Variants in GALNT7 observed in about 807,000 individuals in gnomAD.
GALNT7 encodes the protein N-acetylgalactosaminyltransferase 7.
GALNT7 carries 60 observed loss-of-function variants against 82.1 expected under a neutral mutation model. The ratio of observed to expected loss-of-function variants is 0.73; its 90% CI spans 0.59 to 0.91. The LOEUF (loss-of-function observed/expected upper bound fraction) is 0.91, where lower values mean the gene tolerates loss of function less well. Among genes scored for constraint, GALNT7 ranks in the 40% least tolerant of loss-of-function variants. The pLI is 0.00. For synonymous variants in GALNT7, 243 were observed against 275.1 expected (o/e 0.88, Z 1.15); for missense variants, 660 against 804.2 (o/e 0.82, Z 2.17).
intron 1 of GALNT7, among the ~76,000 whole-genome samples, chr4:173,207,126 C>CTTGTTTTTCAT (rs1735248531): frequency 6.6e-6 from 1 of 152,020 alleles, no homozygotes; most frequent in Non-Finnish European, 1.5e-5. Context: ...CCTTTCTTCA[C>CTTGTTTTTCAT]TTGTTTTTCA....
At position 173,322,881 on chromosome 4, in the gene GALNT7, TAC is replaced by T. The variant is rs1430015886; in HGVS notation, c.*1166_*1167del. On this transcript the variant is annotated 3_prime_UTR_variant, in exon 12 of 12. Coordinates refer to ENST00000265000, the MANE Select transcript of GALNT7 (RefSeq NM_017423.3). ...TTAAAAACAAAGGACTATTTAAAAA[TAC>T]AGTTTATTAACAAACGTGAACTACT... The T allele has an allele frequency of 1.3e-5, 2 of 152,182 alleles. No homozygotes were observed. Among genetic ancestry groups the T allele is most frequent in the African/African-American group, 2.4e-5 (1 of 41,446 alleles). 9.4% of individuals were successfully genotyped at this position (152,182 alleles called of 1,614,324 possible).
At chr4:173,261,029 G>C (rs1211179346) in intron 2 of GALNT7, among the ~76,000 whole-genome samples, 1 of 152,126 alleles carries the variant, frequency 6.6e-6, no homozygotes, top group East Asian at 1.9e-4. Flanking sequence ...CTTGCTGAGC[G>C]CTTCTGTCCC....
At chr4:173,203,948 C>T (rs1351624242) in intron 1 of GALNT7, among the ~76,000 whole-genome samples, 1 of 152,156 alleles carries the variant, frequency 6.6e-6, no homozygotes, top group Non-Finnish European at 1.5e-5. Context: ...CATATGTTTT[C>T]ATATTACTAA....
At chr4:173,183,048 A>ACACACAC (rs1261128743) in intron 1 of GALNT7, among the ~76,000 whole-genome samples, 93 of 38,534 alleles carry the variant, frequency 2.4e-3, no homozygotes, top group African/African-American at 0.017. Context: ...ACATAAACAC[A>ACACACAC]CACACACACA....
At chr4:173,206,941 G>A (rs1186273258) in intron 1 of GALNT7, among the ~76,000 whole-genome samples, 1 of 152,156 alleles carries the variant, frequency 6.6e-6, no homozygotes, top group African/African-American at 2.4e-5. Flanking sequence ...TTGCCACCAG[G>A]GCCTTTGTGC....
rs535171429 is a variant in GALNT7 at position 173,295,413 on chromosome 4, C to A, written c.772C>A (p.Leu258Met). ...CTTAACAGAACACTTAAAAGAAAAA[C>A]TGGATGAATATATTAAGCTGTGGAA... is the stretch of plus-strand genomic sequence containing the variant. The part of the protein sequence containing the change: ...FSNKEHLKEK[L>M]DEYIKLWNGL... Residue 258 changes from leucine to methionine, a missense_variant, in exon 4 of 12, where the codon CTG becomes ATG. Physicochemically the swap from Leu to Met is conservative, Grantham distance 15 (BLOSUM62 2). Around this residue, in one of 2 missense-constraint regions of GALNT7, gnomAD observed 527 missense variants for 683.5 expected, o/e 0.77. Transcript: ENST00000265000. 6.2e-5 allele frequency: 99 copies of A among 1,589,674 alleles called. No individual in the cohort carries two copies. The East Asian group carries it at 2.0e-3, about 32-fold the overall frequency.
chr4:173,248,358 A>G lies in GALNT7; in HGVS notation c.505A>G (p.Ser169Gly), dbSNP rs1302199865. Residue 169 changes from serine (S) to glycine (G), a missense_variant, in exon 2 of 12, where the codon AGC (serine) becomes GGC (glycine). Physicochemically the swap from Ser to Gly is moderately conservative, Grantham distance 56. Transcript: ENST00000265000. ...GPEFKQAIQA[S>G]IKEFGFNMVA... is the part of the protein sequence containing the mutation. ...AGAATTCAAACAAGCAATTCAAGCCAGCATTAAAGAGTTTGGATTTAACAT... is the reference window on the plus strand; with the variant it reads ...AGAATTCAAACAAGCAATTCAAGCCGGCATTAAAGAGTTTGGATTTAACAT... 1 of 1,613,908 alleles carries G rather than the reference A, an allele frequency of 6.2e-7. No homozygotes were observed.
At chr4:173,206,444 C>T (rs1053646593) in intron 1 of GALNT7, among the ~76,000 whole-genome samples, 3 of 152,136 alleles carry the variant, frequency 2.0e-5, no homozygotes, top group Non-Finnish European at 4.4e-5. Flanking sequence ...CTGGAAAGTC[C>T]TATTCCTCCA....
At chr4:173,298,331 C>T (rs780638848) in intron 6 of GALNT7, 34 bp downstream of exon 6, 13 of 1,414,568 alleles carry the variant, frequency 9.2e-6, no homozygotes, top group African/African-American at 1.4e-5. Flanking sequence ...TTTTTCTTTT[C>T]TCCAGTTGCT....
At chr4:173,243,300 G>C (rs556119509) in intron 1 of GALNT7, among the ~76,000 whole-genome samples, 1 of 152,186 alleles carries the variant, frequency 6.6e-6, no homozygotes, top group Non-Finnish European at 1.5e-5. Flanking sequence ...ATGGTTACTA[G>C]CCTGACCTTA....
chr4:173,215,119 T>C, intron 1 of GALNT7, among the ~76,000 whole-genome samples: 1 of 152,232 alleles, frequency 6.6e-6, no homozygotes. Flanking sequence ...CACAGCCATG[T>C]TGGCTAGAAA....
chr4:173,198,368 T>A (rs1732844522), intron 1 of GALNT7, among the ~76,000 whole-genome samples: 1 of 152,062 alleles, frequency 6.6e-6, no homozygotes. Context: ...GCGCCCGGCC[T>A]GGATTGTTTC....
At chr4:173,267,752 T>C (rs913438296) in intron 2 of GALNT7, among the ~76,000 whole-genome samples, 1 of 152,054 alleles carries the variant, frequency 6.6e-6, no homozygotes, top group Non-Finnish European at 1.5e-5. Context: ...TTTGGTTTCC[T>C]CTTCTAGCAA....
rs961095551 is a variant in GALNT7 at position 173,297,579 on chromosome 4, ATTTGTCTGT to A, written c.966-535_966-527del. Reference sequence around the variant, plus strand: ...AGTGATATAGTTCTTTGTCCCTGACATTTGTCTGTAAGCCTAGGGGGAAGTCTCCTCTCT... The same window carrying A: ...AGTGATATAGTTCTTTGTCCCTGACAAAGCCTAGGGGGAAGTCTCCTCTCT... On this transcript the variant is annotated intron_variant, in intron 5 of 11. Coordinates refer to ENST00000265000, the MANE Select transcript of GALNT7 (RefSeq NM_017423.3). Among the ~76,000 whole-genome samples the A allele has an allele frequency of 1.4e-3, 209 of 152,334 alleles. 5 individuals carry two copies. The highest frequency in any genetic ancestry group is 4.9e-3 in the African/African-American group (203 of 41,588).
intron 1 of GALNT7, among the ~76,000 whole-genome samples, chr4:173,170,136 C>G (rs1731809537): frequency 6.6e-6 from 1 of 152,180 alleles, no homozygotes; most frequent in South Asian, 2.1e-4. Flanking sequence ...CCTGCTTCCC[C>G]CCGGATGAAC....
chr4:173,281,239 G>T (rs945505641), intron 2 of GALNT7, among the ~76,000 whole-genome samples: 11 of 152,060 alleles, frequency 7.2e-5, no homozygotes, highest in Non-Finnish European at 1.5e-5. Flanking sequence ...GGGTATACTG[G>T]CACCCTTTCA....
intron 8 of GALNT7, among the ~76,000 whole-genome samples, chr4:173,310,728 ATGTTGTTGT>A (rs767076130): frequency 1.3e-5 from 2 of 151,874 alleles, no homozygotes; most frequent in Admixed American, 1.3e-4. Context: ...TAATTTTTTT[ATGTTGTTGT>A]TGTTGTTGTT....
intron 9 of GALNT7, 110 bp from the exon 10 acceptor site, chr4:173,317,524 G>T (rs926376598): frequency 3.9e-5 from 28 of 713,358 alleles, no homozygotes; most frequent in Non-Finnish European, 5.7e-5. Flanking sequence ...CACATACCCA[G>T]ATTTTCCCTG....
intron 1 of GALNT7, among the ~76,000 whole-genome samples, chr4:173,231,807 A>G (rs781413643): frequency 1.3e-5 from 2 of 152,208 alleles, no homozygotes; most frequent in Non-Finnish European, 2.9e-5. Flanking sequence ...AAATAAGGAA[A>G]CTAGAAATGG....
Sources: allele counts gnomAD v4.1 joint callset (sites outside exome capture counted in the v4.1 genomes callset), GRCh38; gene constraint gnomAD v4.1.1; regional missense constraint gnomAD v4.1.1; transcripts MANE v1.5; gene names NCBI Gene and HGNC (gene_info 2026-07-23, HGNC 2026-07-21).